Variants in BIRC6 observed in about 807,000 individuals in gnomAD.
BIRC6 encodes dual E2 ubiquitin-conjugating enzyme/E3 ubiquitin-protein ligase BIRC6.
A neutral mutation model predicts 503.3 loss-of-function variants in BIRC6; 98 were observed. That is an observed-to-expected ratio of 0.19 (90% CI 0.17 to 0.23). BIRC6 has a LOEUF of 0.23. Among genes scored for constraint, BIRC6 ranks in the 10% least tolerant of loss-of-function variants. The pLI is 1.00. For missense variants in BIRC6, 5,360 were observed against 5,806.0 expected (o/e 0.92, Z 2.50); for synonymous variants, 2,240 against 2,078.7 (o/e 1.08, Z -2.11).
At chr2:32,430,546 G>C (rs2043979759) in intron 11 of BIRC6, among the ~76,000 whole-genome samples, 1 of 152,058 alleles carries the variant, frequency 6.6e-6, no homozygotes, top group African/African-American at 2.4e-5. Context: ...TAGTACCACT[G>C]CTTTTCTTGC....
At chr2:32,432,777 A>AC (rs1451984746) in intron 12 of BIRC6, among the ~76,000 whole-genome samples, 1 of 151,704 alleles carries the variant, frequency 6.6e-6, no homozygotes, top group Non-Finnish European at 1.5e-5. Flanking sequence ...AAAAAAAAAA[A>AC]CTTTCATGCT....
At chr2:32,394,637 G>A (rs1338252363) in intron 5 of BIRC6, among the ~76,000 whole-genome samples, 1 of 152,066 alleles carries the variant, frequency 6.6e-6, no homozygotes, top group Non-Finnish European at 1.5e-5. Flanking sequence ...TTTGAGACCA[G>A]CCTGGATGCT....
At chr2:32,373,493 C>G (rs746623178) in intron 1 of BIRC6, among the ~76,000 whole-genome samples, 5 of 152,180 alleles carry the variant, frequency 3.3e-5, no homozygotes, top group Admixed American at 2.0e-4. Context: ...AAGCGACAAT[C>G]TTTTCAACAA....
chr2:32,452,090 C>G (rs1368874413), intron 22 of BIRC6, among the ~76,000 whole-genome samples: 3 of 152,150 alleles, frequency 2.0e-5, no homozygotes, highest in African/African-American at 7.2e-5. Context: ...GAAATTACCA[C>G]TTGTCAAGTT....
At position 32,429,259 on chromosome 2, in the gene BIRC6, A is replaced by G; in HGVS notation, c.2986A>G (p.Lys996Glu). The G allele has an allele frequency of 6.5e-7, 1 of 1,538,974 alleles. No individual in the cohort carries two copies. The highest frequency in any genetic ancestry group is 8.7e-7 in the Non-Finnish European group (1 of 1,143,254). The change falls in exon 11 of 74, where the codon AAA becomes GAA. Residue 996 changes from lysine (K) to glutamate (E), a missense_variant. By Grantham distance (56) the Lys-to-Glu change is moderately conservative. Transcript: ENST00000421745. The part of the protein sequence containing the change: ...KGIEPSSEGS[K>E]PLSNPSSPGI... ...AATAGAACCATCTTCAGAAGGTTCC[A>G]AACCTTTATCAAATCCTTCAAGTCC...
At chr2:32,474,640 C>T (rs2049519984) in intron 33 of BIRC6, among the ~76,000 whole-genome samples, 1 of 152,198 alleles carries the variant, frequency 6.6e-6, no homozygotes, top group Non-Finnish European at 1.5e-5. Flanking sequence ...CATCAGGTTA[C>T]TAACTTACTG....
chr2:32,357,930 C>G lies in BIRC6; in HGVS notation c.325+444C>G, dbSNP rs1223557043. Among the ~76,000 whole-genome samples the G allele has an allele frequency of 6.6e-6, 1 of 151,928 alleles. No homozygotes were observed. The highest frequency in any genetic ancestry group is 2.4e-5 in the African/African-American group (1 of 41,362). ...GGCGAGGGGCGGGGAGCGTCTGAGC[C>G]GGCAACCAAGCCCTCCCTTGTGGGA... On this transcript the variant is annotated intron_variant, in intron 1 of 73. Transcript: ENST00000421745. The surrounding 1 kb of genome is among the most constrained non-coding windows in gnomAD (Gnocchi z 4.9).
intron 65 of BIRC6, among the ~76,000 whole-genome samples, chr2:32,550,520 AT>A (rs570193971): frequency 2.8e-4 from 43 of 151,652 alleles, no homozygotes; most frequent in Middle Eastern, 3.4e-3. Flanking sequence ...CAAATGCATA[AT>A]TTTTTTTTAT....
intron 12 of BIRC6, among the ~76,000 whole-genome samples, chr2:32,432,689 G>A (rs1019555253): frequency 6.6e-6 from 1 of 151,822 alleles, no homozygotes; most frequent in African/African-American, 2.4e-5. Context: ...GAGCCCAGGC[G>A]GTTGAGGCTG....
chr2:32,409,982 C>G (rs2041673911), intron 9 of BIRC6, among the ~76,000 whole-genome samples: 1 of 152,132 alleles, frequency 6.6e-6, no homozygotes, highest in Non-Finnish European at 1.5e-5. Flanking sequence ...TGAGAAGCAG[C>G]AAAGTAATAA....
chr2:32,430,494 C>G (rs548829480), intron 11 of BIRC6, among the ~76,000 whole-genome samples: 2 of 152,082 alleles, frequency 1.3e-5, no homozygotes, highest in Non-Finnish European at 2.9e-5. Flanking sequence ...AAAATAGGGT[C>G]TAAAAGTTAA....
At chr2:32,606,766 G>T (rs2062485701) in intron 71 of BIRC6, among the ~76,000 whole-genome samples, 1 of 152,058 alleles carries the variant, frequency 6.6e-6, no homozygotes, top group South Asian at 2.1e-4. Flanking sequence ...AGCACTTTGG[G>T]AGGCCGAGGC....
intron 65 of BIRC6, among the ~76,000 whole-genome samples, chr2:32,559,836 A>T (rs972679320): frequency 6.6e-6 from 1 of 152,126 alleles, no homozygotes; most frequent in African/African-American, 2.4e-5. Context: ...CAACATGGTG[A>T]AACCCTGTCT....
Position 32,575,196 on chromosome 2 carries a change from G to T in BIRC6, c.13185G>T (p.Leu4395=). Residue 4395 remains leucine (L), a synonymous_variant, in exon 66 of 74, where the codon CTG becomes CTT. Transcript: ENST00000421745. ...GACATGTGCCACTCTATCGGGCACT[G>T]CTGGAATTGCTTCGGGCCATTGCTT... ...MARHVPLYRA[L]LELLRAIASC... 6.2e-7 allele frequency: 1 copy of T among 1,614,010 alleles called. No homozygotes were observed. The highest frequency in any genetic ancestry group is 1.1e-5 in the South Asian group (1 of 91,082).
chr2:32,496,872 C>G (rs572104539), intron 45 of BIRC6, among the ~76,000 whole-genome samples: 3 of 152,212 alleles, frequency 2.0e-5, no homozygotes, highest in African/African-American at 7.2e-5. Context: ...GGTTCCCCTC[C>G]CCCCATCCAG....
At chr2:32,374,489 T>G (rs1184863062) in intron 1 of BIRC6, among the ~76,000 whole-genome samples, 2 of 151,602 alleles carry the variant, frequency 1.3e-5, no homozygotes, top group African/African-American at 2.4e-5. Flanking sequence ...TTTTTTTTTT[T>G]TGTGACGGAG....
chr2:32,613,630 C>T (rs2063035695), intron 73 of BIRC6, among the ~76,000 whole-genome samples: 1 of 152,108 alleles, frequency 6.6e-6, no homozygotes, highest in African/African-American at 2.4e-5. Context: ...AACTCCTGAC[C>T]TCAAGTGAGC....
At chr2:32,471,423 T>C (rs1247896637) in intron 32 of BIRC6, among the ~76,000 whole-genome samples, 1 of 152,214 alleles carries the variant, frequency 6.6e-6, no homozygotes, top group African/African-American at 2.4e-5. Context: ...TATAATAGCA[T>C]GCATGTAAGT....
At chr2:32,498,510 A>G (rs992337781) in intron 45 of BIRC6, among the ~76,000 whole-genome samples, 1 of 152,182 alleles carries the variant, frequency 6.6e-6, no homozygotes, top group Non-Finnish European at 1.5e-5. Flanking sequence ...CATAGTTGTC[A>G]TGTTTTTACT....
Sources: allele counts gnomAD v4.1 joint callset (sites outside exome capture counted in the v4.1 genomes callset), GRCh38; gene constraint gnomAD v4.1.1; non-coding constraint Gnocchi (gnomAD v3.1); transcripts MANE v1.5; gene names NCBI Gene and HGNC (gene_info 2026-07-23, HGNC 2026-07-21).